Variants in SPRYD4 observed in about 807,000 individuals in gnomAD.
The protein encoded by SPRYD4 is SPRY domain containing 4.
Under a neutral mutation model 16.6 loss-of-function variants are expected in SPRYD4, and 12 were observed. The observed-to-expected ratio is 0.72, with a 90% CI of 0.46 to 1.17. The LOEUF is 1.17. Among genes scored for constraint, SPRYD4 ranks in the 50% most tolerant of loss-of-function variants. The pLI is 0.00. For synonymous variants in SPRYD4, 98 were observed against 105.4 expected (o/e 0.93, Z 0.43); for missense variants, 260 against 260.2 (o/e 1.00, Z 0.00).
In SPRYD4 at chr12:56,472,028, A is replaced by T; in HGVS notation, c.*2451A>T. The T allele has an allele frequency of 7.0e-7, 1 of 1,429,616 alleles. No homozygotes were observed. Among genetic ancestry groups the T allele is most frequent in the Non-Finnish European group, 9.8e-7 (1 of 1,020,320 alleles). The allele number at this position is 1,429,616 out of a possible 1,614,324, so 88.6% of individuals were successfully genotyped here. Reference sequence around the variant, plus strand: ...GATAAAACTAGTTGCTGCCCCTATAACCTTGAGGGCACATATAATGAAGGT... The same window carrying T: ...GATAAAACTAGTTGCTGCCCCTATATCCTTGAGGGCACATATAATGAAGGT... On this transcript the variant is annotated 3_prime_UTR_variant, in exon 2 of 2. Transcript: ENST00000338146.
At position 56,473,169 on chromosome 12, in the gene SPRYD4, G is replaced by T. The variant is rs1436352484; in HGVS notation, c.*3592G>T. 6.6e-7 allele frequency: 1 copy of T among 1,506,424 alleles called. No individual in the cohort carries two copies. Among genetic ancestry groups the T allele is most frequent in the African/African-American group, 1.4e-5 (1 of 72,744 alleles). 93.3% of individuals were successfully genotyped at this position (1,506,424 alleles called of 1,614,324 possible). On this transcript the variant is annotated 3_prime_UTR_variant, in exon 2 of 2. Transcript: ENST00000338146. Reference sequence around the variant, plus strand: ...CTCTCAAAGTGCAGGGATTACAGGCGTGAGCCACCGCACCTGGCCTTTGAA... The same window carrying T: ...CTCTCAAAGTGCAGGGATTACAGGCTTGAGCCACCGCACCTGGCCTTTGAA...
rs1287513937 is a variant in SPRYD4, at chr12:56,479,020, C to T, written c.*9443C>T. 6.2e-7 allele frequency: 1 copy of T among 1,605,294 alleles called. No homozygotes were observed. The highest frequency in any genetic ancestry group is 1.7e-5 in the Admixed American group (1 of 58,180). On this transcript the variant is annotated 3_prime_UTR_variant, in exon 2 of 2. Coordinates refer to ENST00000338146, the MANE Select transcript of SPRYD4 (RefSeq NM_207344.4). ...AAAAAAAAAAAATCTGGCCCAGGTC[C>T]CTGACCCCTCCCTTAGTCCCCTGAC...
In SPRYD4 at chr12:56,472,240, G is replaced by T; in HGVS notation, c.*2663G>T. 2 of 1,555,510 alleles carry T rather than the reference G, an allele frequency of 1.3e-6. No homozygotes were observed. Among genetic ancestry groups the T allele is most frequent in the Non-Finnish European group, 8.9e-7 (1 of 1,127,332 alleles). ...AGCTAGAGTTGCCTAGATCAGACTG[G>T]AATCACAGGTGTTCTTTGTGAACTG... is the stretch of plus-strand genomic sequence containing the variant. On this transcript the variant is annotated 3_prime_UTR_variant, in exon 2 of 2. Transcript: ENST00000338146.
chr12:56,473,200 C>T lies in SPRYD4; in HGVS notation c.*3623C>T, dbSNP rs1476846748. 1 of 1,607,400 alleles carries T rather than the reference C, an allele frequency of 6.2e-7. No homozygotes were observed. The highest frequency in any genetic ancestry group is 1.1e-5 in the South Asian group (1 of 90,844). ...CACCGCACCTGGCCTTTGAAATATTCTTACAAGCCACCTGGAGTTTTCCTT... is the reference window on the plus strand; with the variant it reads ...CACCGCACCTGGCCTTTGAAATATTTTTACAAGCCACCTGGAGTTTTCCTT... On this transcript the variant is annotated 3_prime_UTR_variant, in exon 2 of 2. Transcript: ENST00000338146.
Position 56,475,068 on chromosome 12 carries a change from G to A in SPRYD4, c.*5491G>A, listed in dbSNP as rs559073025. The A allele has an allele frequency of 6.8e-6, 11 of 1,613,968 alleles. No individual in the cohort carries two copies. Among genetic ancestry groups the A allele is most frequent in the African/African-American group, 4.0e-5 (3 of 74,888 alleles). ...CCTTCTTTTCCTTGAGATAATAGCC[G>A]ATGGCATAATTCCGATCCCCTGTTT... On this transcript the variant is annotated 3_prime_UTR_variant, in exon 2 of 2. Transcript: ENST00000338146.
In SPRYD4 at chr12:56,475,110, T is replaced by A. The variant is rs1335704618; in HGVS notation, c.*5533T>A. 31 of 1,613,944 alleles carry A rather than the reference T, an allele frequency of 1.9e-5. No homozygotes were observed. Among genetic ancestry groups the A allele is most frequent in the Non-Finnish European group, 2.6e-5 (31 of 1,180,046 alleles). Reference sequence around the variant, plus strand: ...CCCCTGTTTCCTTCTCTGACTGGAATCTGAAGCAAACACCCAATTTAGTAC... The same window carrying A: ...CCCCTGTTTCCTTCTCTGACTGGAAACTGAAGCAAACACCCAATTTAGTAC... On this transcript the variant is annotated 3_prime_UTR_variant, in exon 2 of 2. Coordinates refer to ENST00000338146, the MANE Select transcript of SPRYD4 (RefSeq NM_207344.4).
In SPRYD4 at chr12:56,475,609, T is replaced by TG; in HGVS notation, c.*6033dup. 6.2e-7 allele frequency: 1 copy of TG among 1,613,568 alleles called. No homozygotes were observed. The highest frequency in any genetic ancestry group is 8.5e-7 in the Non-Finnish European group (1 of 1,179,460). ...ACCACAATGCTTTCAGTCAGTCCTC[T>TG]GAGTAGGGACTTACGTGGCATTGCT... On this transcript the variant is annotated 3_prime_UTR_variant, in exon 2 of 2. Coordinates refer to ENST00000338146, the MANE Select transcript of SPRYD4 (RefSeq NM_207344.4).
At position 56,474,963 on chromosome 12, in the gene SPRYD4, A is replaced by G; in HGVS notation, c.*5386A>G. On this transcript the variant is annotated 3_prime_UTR_variant, in exon 2 of 2. Transcript: ENST00000338146. ...AGCCCTTTCACACTGTCAGGGTCTC[A>G]GCTGAAGCCCCCAACCCCTACTGCC... 6.2e-7 allele frequency: 1 copy of G among 1,613,676 alleles called. No homozygotes were observed. Among genetic ancestry groups the G allele is most frequent in the Non-Finnish European group, 8.5e-7 (1 of 1,179,778 alleles).
Position 56,475,722 on chromosome 12 carries a change from A to C in SPRYD4, c.*6145A>C. 6.2e-7 allele frequency: 1 copy of C among 1,608,172 alleles called. No homozygotes were observed. Among genetic ancestry groups the C allele is most frequent in the Non-Finnish European group, 8.5e-7 (1 of 1,174,648 alleles). ...GGGACATTGAGGCTCCACTTGGTTA[A>C]GAAGCTCTATTAATACCTCACAGGT... On this transcript the variant is annotated 3_prime_UTR_variant, in exon 2 of 2. Transcript: ENST00000338146.
Position 56,469,662 on chromosome 12 carries a change from A to C in SPRYD4, c.*85A>C. ...GAAGCCTTTTTACTTTGCCTCAAGC[A>C]ACCTCTAGCTCCCACAATTCAGTGT... is the stretch of plus-strand genomic sequence containing the variant. On this transcript the variant is annotated 3_prime_UTR_variant, in exon 2 of 2. Coordinates refer to ENST00000338146, the MANE Select transcript of SPRYD4 (RefSeq NM_207344.4). 7.6e-7 allele frequency: 1 copy of C among 1,313,918 alleles called. No homozygotes were observed. Among genetic ancestry groups the C allele is most frequent in the South Asian group, 1.5e-5 (1 of 68,750 alleles). The allele number at this position is 1,313,918 out of a possible 1,614,324, so 81.4% of individuals were successfully genotyped here.
In SPRYD4 at chr12:56,477,917, C is replaced by T; in HGVS notation, c.*8340C>T. 6.2e-7 allele frequency: 1 copy of T among 1,609,026 alleles called. No homozygotes were observed. The highest frequency in any genetic ancestry group is 1.3e-5 in the African/African-American group (1 of 75,020). On this transcript the variant is annotated 3_prime_UTR_variant, in exon 2 of 2. Transcript: ENST00000338146. The stretch of plus-strand genomic sequence containing the variant: ...GGGACAGCTGTAAGTACGGTCTGAG[C>T]CTTGGTAGTGCTCACCTTCCTCATT...
At position 56,472,573 on chromosome 12, in the gene SPRYD4, A is replaced by G. The variant is rs1452112235; in HGVS notation, c.*2996A>G. On this transcript the variant is annotated 3_prime_UTR_variant, in exon 2 of 2. Coordinates refer to ENST00000338146, the MANE Select transcript of SPRYD4 (RefSeq NM_207344.4). ...TTTAAAAAAATTTCATTTAAATGCA[A>G]TCTATATCCATTCTAATTCCAAAGC... 1.5e-5 allele frequency: 14 copies of G among 905,316 alleles called. No homozygotes were observed. Among genetic ancestry groups the G allele is most frequent in the Non-Finnish European group, 1.9e-5 (11 of 570,702 alleles). 56.1% of individuals were successfully genotyped at this position (905,316 alleles called of 1,614,324 possible). A position where few individuals can be genotyped will look rare whatever the true frequency, so the allele number is the denominator to read the frequency against.
rs772756857 is a variant in SPRYD4, at chr12:56,478,027, G to T, written c.*8450G>T. On this transcript the variant is annotated 3_prime_UTR_variant, in exon 2 of 2. Coordinates refer to ENST00000338146, the MANE Select transcript of SPRYD4 (RefSeq NM_207344.4). ...AGTCAGTGCCTAGGGTGCTTATGGA[G>T]ATGGCATAGGTGAGGGGCTTCACAC... 1 of 1,614,238 alleles carries T rather than the reference G, an allele frequency of 6.2e-7. No individual in the cohort carries two copies. The highest frequency in any genetic ancestry group is 1.1e-5 in the South Asian group (1 of 91,090).
At position 56,472,029 on chromosome 12, in the gene SPRYD4, C is replaced by G; in HGVS notation, c.*2452C>G. On this transcript the variant is annotated 3_prime_UTR_variant, in exon 2 of 2. Coordinates refer to ENST00000338146, the MANE Select transcript of SPRYD4 (RefSeq NM_207344.4). ...ATAAAACTAGTTGCTGCCCCTATAACCTTGAGGGCACATATAATGAAGGTA... is the reference window on the plus strand; with the variant it reads ...ATAAAACTAGTTGCTGCCCCTATAAGCTTGAGGGCACATATAATGAAGGTA... 5 of 1,439,278 alleles carry G rather than the reference C, an allele frequency of 3.5e-6. No individual in the cohort carries two copies. Among genetic ancestry groups the G allele is most frequent in the Non-Finnish European group, 4.9e-6 (5 of 1,028,684 alleles). The allele number at this position is 1,439,278 out of a possible 1,614,324, so 89.2% of individuals were successfully genotyped here.
chr12:56,474,908 A>G lies in SPRYD4; in HGVS notation c.*5331A>G. The G allele has an allele frequency of 6.2e-7, 1 of 1,614,114 alleles. No individual in the cohort carries two copies. Among genetic ancestry groups the G allele is most frequent in the South Asian group, 1.1e-5 (1 of 91,080 alleles). ...CCCTTAGGAAAGCACTGCAAGGAAG[A>G]GAGGGGAGAGCATTTCTCTTCAGGA... On this transcript the variant is annotated 3_prime_UTR_variant, in exon 2 of 2. Coordinates refer to ENST00000338146, the MANE Select transcript of SPRYD4 (RefSeq NM_207344.4).
At chr12:56,468,978 A>T in intron 1 of SPRYD4, 61 bp from the exon 2 acceptor site, 1 of 1,506,366 alleles carries the variant, frequency 6.6e-7, no homozygotes, top group Non-Finnish European at 8.9e-7. Flanking sequence ...ATATCTGAAT[A>T]TATCACCAGC....
intron 1 of SPRYD4, 47 bp downstream of exon 1, chr12:56,468,723 C>T: frequency 2.5e-6 from 4 of 1,582,492 alleles, no homozygotes; most frequent in Non-Finnish European, 3.5e-6. Context: ...TGGCTGCCGT[C>T]TATTATTCCC....
In SPRYD4 at chr12:56,474,054, A is replaced by G. The variant is rs1255575456; in HGVS notation, c.*4477A>G. Reference sequence around the variant, plus strand: ...AGAAGAGCCAGCAATGTGAAGCACAATTCAGGAGCTGCAACACCTCTGGTT... The same window carrying G: ...AGAAGAGCCAGCAATGTGAAGCACAGTTCAGGAGCTGCAACACCTCTGGTT... On this transcript the variant is annotated 3_prime_UTR_variant, in exon 2 of 2. Transcript: ENST00000338146. 3 of 185,064 alleles carry G rather than the reference A, an allele frequency of 1.6e-5. No individual in the cohort carries two copies. Among genetic ancestry groups the G allele is most frequent in the East Asian group, 3.3e-4 (2 of 6,010 alleles). The allele number at this position is 185,064 out of a possible 1,614,324, so 11.5% of individuals were successfully genotyped here.
rs1304136651 is a variant in SPRYD4 at position 56,478,054 on chromosome 12, G to T, written c.*8477G>T. 2 of 1,614,222 alleles carry T rather than the reference G, an allele frequency of 1.2e-6. No homozygotes were observed. The highest frequency in any genetic ancestry group is 4.5e-5 in the East Asian group (2 of 44,878). ...TGGCATAGGTGAGGGGCTTCACACAGGACTGCAGGCAGAAGGGGATCTTTG... is the reference window on the plus strand; with the variant it reads ...TGGCATAGGTGAGGGGCTTCACACATGACTGCAGGCAGAAGGGGATCTTTG... On this transcript the variant is annotated 3_prime_UTR_variant, in exon 2 of 2. Coordinates refer to ENST00000338146, the MANE Select transcript of SPRYD4 (RefSeq NM_207344.4).
Sources: allele counts gnomAD v4.1 joint callset, GRCh38; gene constraint gnomAD v4.1.1; transcripts MANE v1.5; gene names NCBI Gene and HGNC (gene_info 2026-07-23, HGNC 2026-07-21).